LRCH1: variants seen among roughly 807,000 people sequenced by gnomAD.
LRCH1 encodes the protein leucine-rich repeat and calponin homology domain-containing protein 1.
Under a neutral mutation model 94.9 loss-of-function variants are expected in LRCH1, and 23 were observed. The observed-to-expected ratio is 0.24, with a 90% confidence interval of 0.17 to 0.34. The LOEUF is 0.34. Among genes scored for constraint, LRCH1 ranks in the 10% least tolerant of loss-of-function variants. LRCH1 has a pLI of 1.00. For missense variants in LRCH1, 790 were observed against 945.9 expected (o/e 0.84, Z 2.16); for synonymous variants, 364 against 354.9 (o/e 1.03, Z -0.29).
chr13:46,681,017 A>G (rs1159882848), intron 3 of LRCH1, among the ~76,000 whole-genome samples: 1 of 152,202 alleles, frequency 6.6e-6, no homozygotes, highest in Admixed American at 6.5e-5. Flanking sequence ...GGAGATCCTA[A>G]GGATATAGAA....
downstream of LRCH1, among the ~76,000 whole-genome samples, chr13:46,749,473 AAAAG>A (rs1874038486): frequency 6.6e-6 from 1 of 152,216 alleles, no homozygotes; most frequent in Non-Finnish European, 1.5e-5. Context: ...GAAAATTGAT[AAAAG>A]ACTCTATTTT....
At chr13:46,738,596 C>A (rs116561028) in intron 19 of LRCH1, among the ~76,000 whole-genome samples, 2,553 of 152,236 alleles carry the variant, frequency 0.017, 58 homozygotes, top group African/African-American at 0.056. Context: ...GGTCCCTTAT[C>A]TTCTCTGAGC....
chr13:46,720,413 C>T (rs1872544614), intron 16 of LRCH1, among the ~76,000 whole-genome samples: 2 of 152,116 alleles, frequency 1.3e-5, no homozygotes, highest in East Asian at 3.9e-4. Flanking sequence ...AACCAATCAC[C>T]GCCTCTTCAC....
In LRCH1 at chr13:46,742,170, G is replaced by T; in HGVS notation, c.*322G>T. The T allele has an allele frequency of 8.5e-7, 1 of 1,177,320 alleles. No homozygotes were observed. The highest frequency in any genetic ancestry group is 1.1e-6 in the Non-Finnish European group (1 of 946,594). 72.9% of individuals were successfully genotyped at this position (1,177,320 alleles called of 1,614,324 possible). The stretch of plus-strand genomic sequence containing the variant: ...CTCCCTCCCGGTGAGCTGCTGCCCT[G>T]GGCAGAGGGGAGGAGAATTCCAGGA... On this transcript the variant is annotated 3_prime_UTR_variant, in exon 20 of 20. Transcript: ENST00000389797.
At chr13:46,727,643 C>T (rs1872887883) in intron 17 of LRCH1, among the ~76,000 whole-genome samples, 1 of 152,030 alleles carries the variant, frequency 6.6e-6, no homozygotes, top group African/African-American at 2.4e-5. Flanking sequence ...GCTGGGAGGG[C>T]GTGTCAATAA....
intron 1 of LRCH1, among the ~76,000 whole-genome samples, chr13:46,645,642 CTT>C (rs1018619453): frequency 4.6e-5 from 7 of 152,118 alleles, no homozygotes; most frequent in African/African-American, 1.7e-4. Context: ...AATTGAGTAA[CTT>C]TCTCAAACAT....
intron 13 of LRCH1, among the ~76,000 whole-genome samples, chr13:46,707,447 T>A (rs550831599): frequency 6.6e-6 from 1 of 152,334 alleles, no homozygotes; most frequent in East Asian, 1.9e-4. Context: ...AATCAAGATA[T>A]AAGTCCATTT....
intron 1 of LRCH1, among the ~76,000 whole-genome samples, chr13:46,647,518 G>A (rs2051237519): frequency 1.3e-5 from 2 of 152,038 alleles, no homozygotes; most frequent in South Asian, 4.2e-4. Context: ...TAAAAAATTT[G>A]CCTATTAGGT....
chr13:46,657,191 G>C (rs74077105), intron 2 of LRCH1, among the ~76,000 whole-genome samples: 19,235 of 151,404 alleles, frequency 0.13, 1,269 homozygotes, highest in Middle Eastern at 0.17. Flanking sequence ...ATATTATTTT[G>C]TTTACAATAT....
chr13:46,616,235 A>G (rs1253742122), intron 1 of LRCH1, among the ~76,000 whole-genome samples: 1 of 152,218 alleles, frequency 6.6e-6, no homozygotes, highest in Non-Finnish European at 1.5e-5. Flanking sequence ...GAGTTTCCCC[A>G]GGCACAAGAC....
intron 1 of LRCH1, among the ~76,000 whole-genome samples, chr13:46,618,870 T>A (rs1289853386): frequency 6.6e-6 from 1 of 152,216 alleles, no homozygotes. Context: ...TCTACTGCTC[T>A]GTCTTTCCTC....
At position 46,694,978 on chromosome 13, in the gene LRCH1, T is replaced by A. The variant is rs753258512; in HGVS notation, c.1206T>A (p.Asp402Glu). The part of the protein sequence containing the change: ...NSGEERDQFT[D>E]RADGLHSEFM... The stretch of plus-strand genomic sequence containing the variant: ...GAGAAGAAAGAGACCAGTTTACTGA[T>A]AGAGCAGATGGTCTCCATTCGGAAT... Residue 402 changes from aspartate to glutamate, a missense_variant, in exon 9 of 20, where the codon GAT becomes GAA. Asp to Glu is a conservative substitution (Grantham distance 45). Transcript: ENST00000389797. 1 of 1,614,054 alleles carries A rather than the reference T, an allele frequency of 6.2e-7. No individual in the cohort carries two copies. The highest frequency in any genetic ancestry group is 1.3e-5 in the African/African-American group (1 of 74,954).
intron 1 of LRCH1, among the ~76,000 whole-genome samples, chr13:46,622,399 C>T (rs1241358981): frequency 6.6e-6 from 1 of 152,132 alleles, no homozygotes; most frequent in Non-Finnish European, 1.5e-5. Context: ...GTGTAATTTG[C>T]ATCTTTCCTA....
At chr13:46,709,961 T>C (rs922980313) in intron 13 of LRCH1, among the ~76,000 whole-genome samples, 3 of 152,246 alleles carry the variant, frequency 2.0e-5, no homozygotes, top group Non-Finnish European at 4.4e-5. Flanking sequence ...TACTTATGAT[T>C]TGGTTATTTT....
chr13:46,669,179 G>A (rs2051564360), intron 3 of LRCH1, 23 bp downstream of exon 3: 3 of 1,610,806 alleles, frequency 1.9e-6, no homozygotes, highest in African/African-American at 2.7e-5. Context: ...TTTTTAAGAT[G>A]CTCTTTTTTG....
intron 2 of LRCH1, among the ~76,000 whole-genome samples, chr13:46,652,186 A>C (rs542247788): frequency 1.7e-4 from 25 of 145,920 alleles, no homozygotes; most frequent in East Asian, 1.0e-3. Context: ...ACGCCGTTCT[A>C]CTGCCTCAGC....
At position 46,743,698 on chromosome 13, in the gene LRCH1, G is replaced by A; in HGVS notation, c.*1850G>A. ...AGGCTTCTCTTTAATGGTCACCACT[G>A]TGGTGGTTTTTCCCTTCTTTCTGGG... On this transcript the variant is annotated 3_prime_UTR_variant, in exon 20 of 20. Coordinates refer to ENST00000389797, the MANE Select transcript of LRCH1 (RefSeq NM_001164211.2). The A allele has an allele frequency of 3.0e-6, 3 of 984,076 alleles. No homozygotes were observed. Among genetic ancestry groups the A allele is most frequent in the Non-Finnish European group, 3.6e-6 (3 of 829,780 alleles). The allele number at this position is 984,076 out of a possible 1,614,324, so 61.0% of individuals were successfully genotyped here. A position where few individuals can be genotyped will look rare whatever the true frequency, so the allele number is the denominator to read the frequency against.
intron 4 of LRCH1, among the ~76,000 whole-genome samples, chr13:46,682,851 A>C (rs149619337): frequency 6.6e-6 from 1 of 152,208 alleles, no homozygotes; most frequent in South Asian, 2.1e-4. Flanking sequence ...TGTTGAGTTC[A>C]AGGCAGATAT....
chr13:46,718,563 A>G (rs945159671), intron 16 of LRCH1, among the ~76,000 whole-genome samples: 1 of 152,210 alleles, frequency 6.6e-6, no homozygotes, highest in African/African-American at 2.4e-5. Context: ...GTGTTCAAGT[A>G]AGGTTGACAG....
Sources: allele counts gnomAD v4.1 joint callset (sites outside exome capture counted in the v4.1 genomes callset), GRCh38; gene constraint gnomAD v4.1.1; transcripts MANE v1.5; gene names NCBI Gene and HGNC (gene_info 2026-07-23, HGNC 2026-07-21).